Variants in MRPL19 observed in about 807,000 individuals in gnomAD.
The protein encoded by MRPL19 is mitochondrial ribosomal protein L19, also known as large ribosomal subunit protein bL19m.
A neutral mutation model predicts 34.0 loss-of-function variants in MRPL19; 31 were observed. The observed-to-expected ratio is 0.91, with a 90% CI of 0.68 to 1.23. The LOEUF (loss-of-function observed/expected upper bound fraction) is 1.23, where lower values mean the gene tolerates loss of function less well. Among genes scored for constraint, MRPL19 ranks in the 50% most tolerant of loss-of-function variants. MRPL19 has a pLI of 0.00. For synonymous variants in MRPL19, 152 were observed against 127.7 expected (o/e 1.19, Z -1.28); for missense variants, 384 against 367.6 (o/e 1.04, Z -0.37).
intron 2 of MRPL19, chr2:75,647,600 AAAT>A (rs1678251848): frequency 1.8e-5 from 3 of 168,688 alleles, no homozygotes; most frequent in Non-Finnish European, 3.8e-5. Context: ...CCAACTTAAA[AAAT>A]TTGCTATGGT....
chr2:75,652,465 G>A, intron 3 of MRPL19, 58 bp from the exon 4 acceptor site: 2 of 1,573,640 alleles, frequency 1.3e-6, no homozygotes, highest in Non-Finnish European at 1.7e-6. Flanking sequence ...CTTATATAAA[G>A]TTTACTTCTC....
rs1678458681 is a variant in MRPL19, at chr2:75,656,585, A to G, written c.*1300A>G. The G allele has an allele frequency of 6.6e-6, 1 of 152,084 alleles. No individual in the cohort carries two copies. Among genetic ancestry groups the G allele is most frequent in the Non-Finnish European group, 1.5e-5 (1 of 67,980 alleles). The allele number at this position is 152,084 out of a possible 1,614,324, so 9.4% of individuals were successfully genotyped here. A position where few individuals can be genotyped will look rare whatever the true frequency, so the allele number is the denominator to read the frequency against. ...CTTGCATGTCTCATGTTTGATTGAT[A>G]CTTTATACGTTTAGGTAGGAGGTAA... On this transcript the variant is annotated 3_prime_UTR_variant, in exon 6 of 6. Coordinates refer to ENST00000393909, the MANE Select transcript of MRPL19 (RefSeq NM_014763.4).
rs774249921 is a variant in MRPL19, at chr2:75,647,069, G to T, written c.104-33G>T. The T allele has an allele frequency of 1.9e-5, 29 of 1,550,986 alleles. No individual in the cohort carries two copies. The South Asian group carries it at 3.1e-4, about 17-fold the overall frequency. ...CTCTGCGGGATCTCAGGGTTGGCACGAGAGTTCTGACCTCCGTCGTCCGCT... is the reference window on the plus strand; with the variant it reads ...CTCTGCGGGATCTCAGGGTTGGCACTAGAGTTCTGACCTCCGTCGTCCGCT... On this transcript the variant is annotated intron_variant, in intron 1 of 5. Coordinates refer to ENST00000393909, the MANE Select transcript of MRPL19 (RefSeq NM_014763.4).
Position 75,655,568 on chromosome 2 carries a change from G to A in MRPL19, c.*283G>A, listed in dbSNP as rs77664617. The A allele has an allele frequency of 5.2e-3, 1,409 of 272,134 alleles. 4 individuals are homozygous for A. Among genetic ancestry groups the A allele is most frequent in the South Asian group, 0.017 (186 of 10,746 alleles). 16.9% of individuals were successfully genotyped at this position (272,134 alleles called of 1,614,324 possible). ...ATGGTCTTTAATGAGCATGGAACCT[G>A]AGCAAAGGGAATAGGTGGGATGAAT... is the stretch of plus-strand genomic sequence containing the variant. On this transcript the variant is annotated 3_prime_UTR_variant, in exon 6 of 6. Transcript: ENST00000393909.
At chr2:75,654,687 A>G (rs1450507003) in intron 4 of MRPL19, 49 bp from the exon 5 acceptor site, 1 of 1,566,028 alleles carries the variant, frequency 6.4e-7, no homozygotes, top group Non-Finnish European at 8.7e-7. Context: ...TGAAACATGT[A>G]TAGGAACGTG....
rs144212657 is a variant in MRPL19, at chr2:75,658,688, T to C, written c.*3403T>C. On this transcript the variant is annotated 3_prime_UTR_variant, in exon 6 of 6. Coordinates refer to ENST00000393909, the MANE Select transcript of MRPL19 (RefSeq NM_014763.4). ...TTAGAGAAGATACTTAGTATGATTT[T>C]AATGTTTTTGAGAATTGGTGTGTGG... Among the ~76,000 whole-genome samples the C allele has an allele frequency of 2.0e-5, 3 of 152,294 alleles. No individual in the cohort carries two copies. Among genetic ancestry groups the C allele is most frequent in the African/African-American group, 7.2e-5 (3 of 41,568 alleles).
intron 2 of MRPL19, among the ~76,000 whole-genome samples, chr2:75,649,160 A>G (rs1359164981): frequency 6.6e-6 from 1 of 152,264 alleles, no homozygotes; most frequent in African/African-American, 2.4e-5. Flanking sequence ...TGTTCAAAAA[A>G]GTTAATGTTA....
At chr2:75,651,680 T>C (rs1039641818) in intron 2 of MRPL19, 1 of 325,988 alleles carries the variant, frequency 3.1e-6, no homozygotes, top group Non-Finnish European at 6.0e-6. Context: ...TAGTGATTTA[T>C]ATGTTGATGT....
intron 3 of MRPL19, 61 bp downstream of exon 3, chr2:75,652,321 GGTTA>G: frequency 1.5e-6 from 2 of 1,358,444 alleles, no homozygotes; most frequent in Non-Finnish European, 2.1e-6. Context: ...GTGATTGGAT[GGTTA>G]GTTTTCTTAA....
Position 75,655,325 on chromosome 2 carries a change from G to C in MRPL19, c.*40G>C, listed in dbSNP as rs1678423707. 1 of 1,425,568 alleles carries C rather than the reference G, an allele frequency of 7.0e-7. No individual in the cohort carries two copies. The highest frequency in any genetic ancestry group is 9.8e-7 in the Non-Finnish European group (1 of 1,022,286). 88.3% of individuals were successfully genotyped at this position (1,425,568 alleles called of 1,614,324 possible). A position where few individuals can be genotyped will look rare whatever the true frequency, so the allele number is the denominator to read the frequency against. On this transcript the variant is annotated 3_prime_UTR_variant, in exon 6 of 6. Coordinates refer to ENST00000393909, the MANE Select transcript of MRPL19 (RefSeq NM_014763.4). ...TTGGTTAGTTGCAGAAGATACATTG[G>C]CTCTAAGAGGATATATTTTGAGACC...
chr2:75,655,220 G>C lies in MRPL19; in HGVS notation c.814G>C (p.Glu272Gln), dbSNP rs201330676. The change falls in exon 6 of 6, where the codon GAA becomes CAA. Residue 272 changes from glutamate (E) to glutamine (Q), a missense_variant. Transcript: ENST00000393909. ...QPWLEFDMMR[E>Q]YDTSKIEAAI... is the part of the protein sequence containing the mutation. ...ATGGCTTGAATTTGATATGATGAGG[G>C]AATATGATACTTCAAAAATTGAAGC... 155 of 1,613,200 alleles carry C rather than the reference G, an allele frequency of 9.6e-5. No individual in the cohort carries two copies. Among genetic ancestry groups the C allele is most frequent in the Non-Finnish European group, 1.3e-4 (151 of 1,179,748 alleles).
rs961962883 is a variant in MRPL19 at position 75,661,885 on chromosome 2, A to C, written c.*6600A>C. ...CTGATTGTATGACTATGTCTTCTAG[A>C]ACAATGTTGAACAGAAATGGTGAGA... is the stretch of plus-strand genomic sequence containing the variant. On this transcript the variant is annotated 3_prime_UTR_variant, in exon 6 of 6. Coordinates refer to ENST00000393909, the MANE Select transcript of MRPL19 (RefSeq NM_014763.4). The C allele has an allele frequency of 2.0e-5, 3 of 152,162 alleles. No individual in the cohort carries two copies. The highest frequency in any genetic ancestry group is 4.4e-5 in the Non-Finnish European group (3 of 68,048). The allele number at this position is 152,162 out of a possible 1,614,324, so 9.4% of individuals were successfully genotyped here.
intron 2 of MRPL19, among the ~76,000 whole-genome samples, chr2:75,650,655 A>G (rs1367343179): frequency 6.6e-6 from 1 of 152,214 alleles, no homozygotes; most frequent in East Asian, 1.9e-4. Context: ...CTAAGGCCCA[A>G]GGGTCTCCAG....
At chr2:75,647,029 G>T (rs1678237172) in intron 1 of MRPL19, 73 bp from the exon 2 acceptor site, 1 of 1,495,532 alleles carries the variant, frequency 6.7e-7, no homozygotes, top group Non-Finnish European at 9.0e-7. Context: ...CGCCGGGTTG[G>T]GGGAGATTGC....
chr2:75,649,799 TA>T (rs1558719268), intron 2 of MRPL19, among the ~76,000 whole-genome samples: 1 of 152,088 alleles, frequency 6.6e-6, no homozygotes, highest in African/African-American at 2.4e-5. Context: ...CTGGCTATTT[TA>T]AAAATTTTTT....
Position 75,652,621 on chromosome 2 carries a change from GC to G in MRPL19, c.440del (p.Ala147ValfsTer33). 6 of 1,613,646 alleles carry G rather than the reference GC, an allele frequency of 3.7e-6. No homozygotes were observed. The highest frequency in any genetic ancestry group is 5.1e-6 in the Non-Finnish European group (6 of 1,179,710). On this transcript the variant is annotated frameshift_variant, in exon 4 of 6. Transcript: ENST00000393909. LOFTEE classifies it high-confidence loss of function. ...TCAGAGATCAGGAAGAGGACTTGGA[GC>G]TACTTTCATCCTTAGGAATGTTATC... ...CIQRSGRGLG[A>X]TFILRNVIEG...
chr2:75,653,769 A>G (rs192699274), intron 4 of MRPL19, among the ~76,000 whole-genome samples: 2 of 152,354 alleles, frequency 1.3e-5, no homozygotes, highest in Admixed American at 6.5e-5. Context: ...TCTTACCAGC[A>G]TAAGTTGAAA....
At chr2:75,649,297 A>G (rs1220571364) in intron 2 of MRPL19, among the ~76,000 whole-genome samples, 2 of 152,260 alleles carry the variant, frequency 1.3e-5, no homozygotes, top group Non-Finnish European at 2.9e-5. Context: ...AATGACATAC[A>G]TTTGAGTATG....
Position 75,658,491 on chromosome 2 carries a change from TG to T in MRPL19, c.*3207del, listed in dbSNP as rs1273499879. Among the ~76,000 whole-genome samples, 1 of 152,214 alleles carries T rather than the reference TG, an allele frequency of 6.6e-6. No individual in the cohort carries two copies. Among genetic ancestry groups the T allele is most frequent in the African/African-American group, 2.4e-5 (1 of 41,464 alleles). ...CATAACAAGTATGTATTTGATTGCC[TG>T]TTTCTAAGTTCTTTTGGGTATACAT... On this transcript the variant is annotated 3_prime_UTR_variant, in exon 6 of 6. Transcript: ENST00000393909.
Sources: gnomAD v4.1 joint callset for allele counts (sites outside exome capture counted in the v4.1 genomes callset) on GRCh38, gnomAD v4.1.1 for gene constraint, MANE v1.5 for transcripts, NCBI Gene and HGNC (gene_info 2026-07-23, HGNC 2026-07-21) for gene names.